Variants in LRP1 observed in about 807,000 individuals in gnomAD.
LRP1 encodes prolow-density lipoprotein receptor-related protein 1.
A neutral mutation model predicts 541.5 loss-of-function variants in LRP1; 51 were observed. The observed-to-expected ratio is 0.09, with a 90% CI of 0.08 to 0.12. The LOEUF is 0.12. Among genes scored for constraint, LRP1 ranks in the 10% least tolerant of loss-of-function variants. The pLI is 1.00. For synonymous variants in LRP1, 2,219 were observed against 2,470.8 expected (o/e 0.90, Z 3.02); for missense variants, 3,878 against 6,376.2 (o/e 0.61, Z 13.34).
Position 57,173,668 on chromosome 12 carries a change from C to T in LRP1, c.3347-112C>T, listed in dbSNP as rs2035987071. 1.7e-6 allele frequency: 2 copies of T among 1,152,012 alleles called. No individual in the cohort carries two copies. The highest frequency in any genetic ancestry group is 2.6e-5 in the South Asian group (2 of 76,088). The allele number at this position is 1,152,012 out of a possible 1,614,324, so 71.4% of individuals were successfully genotyped here. A position where few individuals can be genotyped will look rare whatever the true frequency, so the allele number is the denominator to read the frequency against. ...AAAAGCCTCGGGGTTCCTCGTGGAC[C>T]CCACAGCGTTGCAATCCTGACCCTA... On this transcript the variant is annotated intron_variant, in intron 21 of 88. Transcript: ENST00000243077. The surrounding 1 kb of genome is among the most constrained non-coding windows in gnomAD (Gnocchi z 4.7).
Position 57,198,240 on chromosome 12 carries a change from C to T in LRP1, c.9367C>T (p.Arg3123Trp), listed in dbSNP as rs772910246. 8 of 1,613,494 alleles carry T rather than the reference C, an allele frequency of 5.0e-6. No homozygotes were observed. Among genetic ancestry groups the T allele is most frequent in the African/African-American group, 2.7e-5 (2 of 74,912 alleles). ...GGNLYWCDKG[R>W]DTIEVSKLNG... Reference sequence around the variant, plus strand: ...CAACCTGTACTGGTGCGACAAAGGCCGGGACACCATCGAGGTGTCCAAGCT... The same window carrying T: ...CAACCTGTACTGGTGCGACAAAGGCTGGGACACCATCGAGGTGTCCAAGCT... The change falls in exon 59 of 89, where the codon CGG becomes TGG. Residue 3123 changes from arginine (R) to tryptophan (W), a missense_variant. This residue lies in a region of LRP1 where 1,100 missense variants were observed against 1,827.4 expected (regional missense o/e 0.60). Coordinates refer to ENST00000243077, the MANE Select transcript of LRP1 (RefSeq NM_002332.3).
rs765153609 is a variant in LRP1, at chr12:57,180,300, A to C, written c.5237-30A>C. ...CCCTGGATCCCCAGCCCTGGGCCAG[A>C]CTCCCCGGCAGTGACTCCCCCTTTT... On this transcript the variant is annotated intron_variant, in intron 31 of 88. Coordinates refer to ENST00000243077, the MANE Select transcript of LRP1 (RefSeq NM_002332.3). 2.5e-6 allele frequency: 4 copies of C among 1,610,822 alleles called. No homozygotes were observed. In the South Asian group the frequency reaches 4.4e-5, roughly 18 times the overall value.
chr12:57,160,546 C>G (rs1049951407), intron 12 of LRP1, among the ~76,000 whole-genome samples: 4 of 152,086 alleles, frequency 2.6e-5, no homozygotes, highest in African/African-American at 9.7e-5. Context: ...CACCTGCAGC[C>G]CGGTCACTCT....
chr12:57,187,439 T>A lies in LRP1; in HGVS notation c.7014T>A (p.Val2338=). 1 of 1,613,452 alleles carries A rather than the reference T, an allele frequency of 6.2e-7. No individual in the cohort carries two copies. The highest frequency in any genetic ancestry group is 8.5e-7 in the Non-Finnish European group (1 of 1,179,738). Residue 2338 remains valine (V), a synonymous_variant, in exon 42 of 89, where the codon GTT becomes GTA. Transcript: ENST00000243077. ...MSGDDHPRAF[V]LDECQNLMFW... Reference sequence around the variant, plus strand: ...GAGATGACCACCCACGGGCCTTCGTTTTGGACGAGTGCCAGAAGTGAGCTG... The same window carrying A: ...GAGATGACCACCCACGGGCCTTCGTATTGGACGAGTGCCAGAAGTGAGCTG...
At chr12:57,186,024 C>A in intron 41 of LRP1, 116 bp downstream of exon 41, 1 of 1,228,280 alleles carries the variant, frequency 8.1e-7, no homozygotes, top group Non-Finnish European at 1.1e-6. Context: ...AGCTACAACT[C>A]AGCTGAATCC....
chr12:57,210,609 AG>A, intron 82 of LRP1, 108 bp from the exon 83 acceptor site: 1 of 1,426,102 alleles, frequency 7.0e-7, no homozygotes, highest in Non-Finnish European at 9.5e-7. Flanking sequence ...CCCAGCATCC[AG>A]TCACTCCAGT....
intron 6 of LRP1, among the ~76,000 whole-genome samples, chr12:57,153,406 C>A (rs1389063143): frequency 1.3e-5 from 2 of 152,168 alleles, no homozygotes; most frequent in African/African-American, 4.8e-5. Flanking sequence ...GGCAGCTGGG[C>A]TCCATCTCCT....
chr12:57,134,758 G>T (rs2035119335), intron 1 of LRP1, among the ~76,000 whole-genome samples: 1 of 151,886 alleles, frequency 6.6e-6, no homozygotes, highest in African/African-American at 2.4e-5. Flanking sequence ...AGGCTGGAGT[G>T]CAGTGGCGCG....
intron 4 of LRP1, chr12:57,144,619 G>T: frequency 3.9e-6 from 1 of 256,938 alleles, no homozygotes; most frequent in Non-Finnish European, 7.7e-6. Flanking sequence ...TGTTTCATAT[G>T]TTATTATAGT....
At chr12:57,191,664 C>G in intron 44 of LRP1, 152 bp downstream of exon 44, 1 of 671,404 alleles carries the variant, frequency 1.5e-6, no homozygotes, top group East Asian at 2.8e-5. Flanking sequence ...CACACCACAC[C>G]ACATACACAC....
At position 57,179,389 on chromosome 12, in the gene LRP1, C is replaced by A; in HGVS notation, c.4799C>A (p.Ala1600Asp). 6.2e-7 allele frequency: 1 copy of A among 1,614,242 alleles called. No individual in the cohort carries two copies. The highest frequency in any genetic ancestry group is 2.2e-5 in the East Asian group (1 of 44,890). ...GAGATCCGAGGTGTGGACCTGGATG[C>A]TCCCTACTACAACTACATCATCTCC... is the stretch of plus-strand genomic sequence containing the variant. ...QMEIRGVDLD[A>D]PYYNYIISFT... is the part of the protein sequence containing the mutation. Residue 1600 changes from alanine to aspartate, a missense_variant, in exon 29 of 89, where the codon GCT becomes GAT. Around this residue, in one of 13 missense-constraint regions of LRP1, gnomAD observed 394 missense variants for 635.9 expected, o/e 0.62. Transcript: ENST00000243077. The surrounding 1 kb of genome is among the most constrained non-coding windows in gnomAD (Gnocchi z 6.8).
chr12:57,173,262 T>G lies in LRP1; in HGVS notation c.3258T>G (p.Thr1086=). The stretch of plus-strand genomic sequence containing the variant: ...TGCGGTGGCGCTGCGATGGGGACAC[T>G]GACTGCATGGACTCCAGCGATGAGA... The part of the protein sequence containing the change: ...IPLRWRCDGD[T]DCMDSSDEKS... Residue 1086 remains threonine, a synonymous_variant, in exon 21 of 89, where the codon ACT becomes ACG. Coordinates refer to ENST00000243077, the MANE Select transcript of LRP1 (RefSeq NM_002332.3). This position sits in a 1 kb window ranked among gnomAD's most constrained non-coding sequence, Gnocchi z 4.7. The G allele has an allele frequency of 6.2e-7, 1 of 1,614,020 alleles. No individual in the cohort carries two copies. The highest frequency in any genetic ancestry group is 8.5e-7 in the Non-Finnish European group (1 of 1,180,010).
At position 57,133,047 on chromosome 12, in the gene LRP1, GGCTAA is replaced by G. The variant is rs2035071481; in HGVS notation, c.67+4018_67+4022del. On this transcript the variant is annotated intron_variant, in intron 1 of 88. Transcript: ENST00000243077. ...AGAAAGGAACTTGATACCCTTTGTG[GGCTAA>G]GAGGGAGAAAGGAGGTATTTCAGAA... Among the ~76,000 whole-genome samples the G allele has an allele frequency of 3.3e-5, 5 of 152,306 alleles. No homozygotes were observed. The South Asian group carries it at 1.0e-3, about 32-fold the overall frequency.
intron 83 of LRP1, 75 bp downstream of exon 83, chr12:57,210,954 A>G (rs934106569): frequency 1.3e-6 from 2 of 1,538,774 alleles, no homozygotes; most frequent in African/African-American, 1.4e-5. Flanking sequence ...GTGATGTTCA[A>G]CCTGTGCCTG....
rs377096781 is a variant in LRP1 at position 57,204,462 on chromosome 12, G to T, written c.11004G>T (p.Pro3668=). 2 of 1,570,390 alleles carry T rather than the reference G, an allele frequency of 1.3e-6. No individual in the cohort carries two copies. Among genetic ancestry groups the T allele is most frequent in the Admixed American group, 1.8e-5 (1 of 56,164 alleles). ...EFQCNNTLCK[P]LAWKCDGEDD... is the part of the protein sequence containing the mutation. ...AGTGCAACAACACCTTGTGCAAGCC[G>T]CTGGCCTGGAAGTGCGATGGCGAGG... is the stretch of plus-strand genomic sequence containing the variant. Residue 3668 remains proline (P), a synonymous_variant, in exon 71 of 89, where the codon CCG becomes CCT. Transcript: ENST00000243077. This position sits in a 1 kb window ranked among gnomAD's most constrained non-coding sequence, Gnocchi z 5.3.
rs920845294 is a variant in LRP1 at position 57,178,138 on chromosome 12, C to T, written c.4362-221C>T. Among the ~76,000 whole-genome samples the T allele has an allele frequency of 1.3e-5, 2 of 152,062 alleles. No homozygotes were observed. Among genetic ancestry groups the T allele is most frequent in the African/African-American group, 4.8e-5 (2 of 41,408 alleles). On this transcript the variant is annotated intron_variant, in intron 26 of 88. Transcript: ENST00000243077. This position sits in a 1 kb window ranked among gnomAD's most constrained non-coding sequence, Gnocchi z 5.8. ...AAGTGACCGAAAGATTCCCTTGGGGCTTGGGAATCGGGGCCTGAGAGGTGA... is the reference window on the plus strand; with the variant it reads ...AAGTGACCGAAAGATTCCCTTGGGGTTTGGGAATCGGGGCCTGAGAGGTGA...
rs1213563613 is a variant in LRP1 at position 57,204,222 on chromosome 12, C to T, written c.10952-188C>T. The T allele has an allele frequency of 3.3e-6, 2 of 607,774 alleles. No individual in the cohort carries two copies. The highest frequency in any genetic ancestry group is 3.7e-5 in the African/African-American group (2 of 54,538). The allele number at this position is 607,774 out of a possible 1,614,324, so 37.6% of individuals were successfully genotyped here. On this transcript the variant is annotated intron_variant, in intron 70 of 88. Transcript: ENST00000243077. This position sits in a 1 kb window ranked among gnomAD's most constrained non-coding sequence, Gnocchi z 5.3. ...CCTCCAGACACCCCTGAAAAATGGC[C>T]TCTTCTCCCCTAAATACCAGAGGGG...
intron 79 of LRP1, 105 bp from the exon 80 acceptor site, chr12:57,209,587 T>C (rs2036862715): frequency 1.1e-6 from 1 of 927,802 alleles, no homozygotes; most frequent in Non-Finnish European, 1.7e-6. Context: ...GGTCTGGATG[T>C]GTTGAGTTTG....
rs201911528 is a variant in LRP1 at position 57,210,076 on chromosome 12, A to G, written c.12487A>G (p.Ser4163Gly). 681 of 1,613,374 alleles carry G rather than the reference A, an allele frequency of 4.2e-4. 1 individual carries two copies. The highest frequency in any genetic ancestry group is 5.4e-4 in the Non-Finnish European group (637 of 1,179,716). ...RKKCEWLCLL[S>G]PSGPVCTCPN... The stretch of plus-strand genomic sequence containing the variant: ...GAAATGCGAGTGGCTCTGCCTGCTG[A>G]GCCCCAGTGGGCCTGTCTGCACCTG... The change falls in exon 81 of 89, where the codon AGC becomes GGC. Residue 4163 changes from serine (S) to glycine (G), a missense_variant. By Grantham distance (56) the Ser-to-Gly change is moderately conservative. Coordinates refer to ENST00000243077, the MANE Select transcript of LRP1 (RefSeq NM_002332.3).
Sources: allele counts gnomAD v4.1 joint callset (sites outside exome capture counted in the v4.1 genomes callset), GRCh38; gene constraint gnomAD v4.1.1; regional missense constraint gnomAD v4.1.1; non-coding constraint Gnocchi (gnomAD v3.1); transcripts MANE v1.5; gene names NCBI Gene and HGNC (gene_info 2026-07-23, HGNC 2026-07-21).